BCAS3: variants seen among roughly 807,000 people sequenced by gnomAD.
BCAS3 encodes the protein BCAS4/BCAS3 fusion.
Under a neutral mutation model 116.1 loss-of-function variants are expected in BCAS3, and 53 were observed. The ratio of observed to expected loss-of-function variants is 0.46; its 90% confidence interval spans 0.37 to 0.57. BCAS3 has a LOEUF of 0.57. Among genes scored for constraint, BCAS3 ranks in the 20% least tolerant of loss-of-function variants. BCAS3 has a pLI of 0.00. For synonymous variants in BCAS3, 391 were observed against 408.2 expected (o/e 0.96, Z 0.51); for missense variants, 917 against 1,165.4 (o/e 0.79, Z 3.10).
chr17:60,844,050 A>G (rs1359073017), intron 7 of BCAS3, among the ~76,000 whole-genome samples: 4 of 152,110 alleles, frequency 2.6e-5, no homozygotes, highest in Non-Finnish European at 5.9e-5. Flanking sequence ...GCTCACCGCA[A>G]CCTCTGCCTC....
At position 61,281,893 on chromosome 17, in the gene BCAS3, C is replaced by G. The variant is rs570448201; in HGVS notation, c.2426-86434C>G. The stretch of plus-strand genomic sequence containing the variant: ...TCGTTTTATGGTAAATTTTTACTTT[C>G]TTTTCCGCTACTTCCTTTTTACAAG... On this transcript the variant is annotated intron_variant, in intron 22 of 23. Coordinates refer to ENST00000407086, the MANE Select transcript of BCAS3 (RefSeq NM_017679.5). The surrounding 1 kb of genome is among the most constrained non-coding windows in gnomAD (Gnocchi z 4.2). 2.0e-5 allele frequency among the ~76,000 whole-genome samples: 3 copies of G among 152,130 alleles called. No individual in the cohort carries two copies. Among genetic ancestry groups the G allele is most frequent in the African/African-American group, 7.2e-5 (3 of 41,482 alleles).
intron 12 of BCAS3, among the ~76,000 whole-genome samples, chr17:60,923,528 C>T (rs1248075918): frequency 6.6e-6 from 1 of 152,118 alleles, no homozygotes; most frequent in East Asian, 1.9e-4. Flanking sequence ...CATAGTAAGA[C>T]TTGACTCTTA....
chr17:60,887,333 T>A (rs1306493264), intron 9 of BCAS3: 1 of 150,964 alleles, frequency 6.6e-6, no homozygotes, highest in African/African-American at 2.5e-5. Context: ...GTGCACCCAC[T>A]GACCTGCGCC....
intron 11 of BCAS3, among the ~76,000 whole-genome samples, chr17:60,909,785 C>T (rs1455054797): frequency 6.6e-6 from 1 of 152,040 alleles, no homozygotes; most frequent in South Asian, 2.1e-4. Flanking sequence ...AAATATTTCA[C>T]GAGTTAGTTT....
intron 7 of BCAS3, among the ~76,000 whole-genome samples, chr17:60,835,911 T>C (rs554354467): frequency 6.6e-6 from 1 of 152,230 alleles, no homozygotes; most frequent in East Asian, 1.9e-4. Flanking sequence ...GAAATGGAAT[T>C]TTCCCAAGTA....
rs569721008 is a variant in BCAS3 at position 60,948,958 on chromosome 17, C to T, written c.1221+1606C>T. On this transcript the variant is annotated intron_variant, in intron 14 of 23. Coordinates refer to ENST00000407086, the MANE Select transcript of BCAS3 (RefSeq NM_017679.5). ...GTGGTATGATCTCGGCTCACTGCAA[C>T]CTCCACCTCCTGGGTTCAAGCAATT... 2.4e-4 allele frequency among the ~76,000 whole-genome samples: 36 copies of T among 151,898 alleles called. No homozygotes were observed. In the South Asian group the frequency reaches 7.5e-3, roughly 32 times the overall value.
chr17:60,709,397 C>CT (rs113697207), intron 5 of BCAS3, 72 bp downstream of exon 5: 37,483 of 765,636 alleles, frequency 0.049, 1,288 homozygotes, highest in African/African-American at 0.23. Context: ...TCTGTAGATA[C>CT]TTTTTTTTTT....
intron 7 of BCAS3, among the ~76,000 whole-genome samples, chr17:60,841,968 T>G (rs2051980201): frequency 6.6e-6 from 1 of 152,078 alleles, no homozygotes; most frequent in Non-Finnish European, 1.5e-5. Flanking sequence ...CCTTTCGAGG[T>G]GCTGGAAATG....
intron 16 of BCAS3, among the ~76,000 whole-genome samples, chr17:61,030,452 C>T (rs1434010877): frequency 6.6e-6 from 1 of 151,966 alleles, no homozygotes; most frequent in Non-Finnish European, 1.5e-5. Flanking sequence ...ATTGACCTGG[C>T]TGGATTACAT....
intron 4 of BCAS3, among the ~76,000 whole-genome samples, chr17:60,708,398 A>G (rs1393200810): frequency 2.7e-5 from 4 of 150,026 alleles, no homozygotes; most frequent in African/African-American, 9.8e-5. Context: ...TTACTCTGTC[A>G]CCCAAGCTGG....
At chr17:60,947,179 T>A in intron 13 of BCAS3, 40 bp from the exon 14 acceptor site, 1 of 1,569,310 alleles carries the variant, frequency 6.4e-7, no homozygotes. Context: ...TCCACATACA[T>A]AATCATTTTT....
At chr17:60,758,152 T>C (rs2043178079) in intron 6 of BCAS3, among the ~76,000 whole-genome samples, 1 of 152,224 alleles carries the variant, frequency 6.6e-6, no homozygotes, top group Non-Finnish European at 1.5e-5. Context: ...TTCTGGTTAC[T>C]ATAGCCTTGT....
At chr17:60,969,478 C>T (rs574557100) in intron 14 of BCAS3, among the ~76,000 whole-genome samples, 1 of 152,056 alleles carries the variant, frequency 6.6e-6, no homozygotes, top group African/African-American at 2.4e-5. Flanking sequence ...AATGAATTTG[C>T]AGATAGATCA....
rs981437878 is a variant in BCAS3 at position 61,315,486 on chromosome 17, C to T, written c.2426-52841C>T. Among the ~76,000 whole-genome samples, 5 of 152,322 alleles carry T rather than the reference C, an allele frequency of 3.3e-5. No individual in the cohort carries two copies. The highest frequency in any genetic ancestry group is 1.9e-4 in the East Asian group (1 of 5,176). Reference sequence around the variant, plus strand: ...TCTCGGAGCGGACGCTAGCTGGCAGCGGTGCCATTGCTTTCGCCTCAGGCT... The same window carrying T: ...TCTCGGAGCGGACGCTAGCTGGCAGTGGTGCCATTGCTTTCGCCTCAGGCT... On this transcript the variant is annotated intron_variant, in intron 22 of 23. Transcript: ENST00000407086. The surrounding 1 kb of genome is among the most constrained non-coding windows in gnomAD (Gnocchi z 5.3).
At chr17:60,972,752 C>T (rs2062043393) in intron 14 of BCAS3, among the ~76,000 whole-genome samples, 2 of 151,978 alleles carry the variant, frequency 1.3e-5, no homozygotes, top group Non-Finnish European at 2.9e-5. Context: ...GTGTCCAGCC[C>T]GAAAGTGCAC....
chr17:61,254,505 G>A (rs991694926), intron 22 of BCAS3, among the ~76,000 whole-genome samples: 13 of 152,000 alleles, frequency 8.6e-5, no homozygotes, highest in Middle Eastern at 3.4e-3. Context: ...ATGGCGGGGC[G>A]CGGTGGCTCA....
At chr17:60,705,512 C>CAAAAAAAAAAA (rs1033436210) in intron 4 of BCAS3, among the ~76,000 whole-genome samples, 1 of 61,866 alleles carries the variant, frequency 1.6e-5, no homozygotes, top group African/African-American at 4.8e-5. Context: ...AGACTTGTCT[C>CAAAAAAAAAAA]AAAAAAAAAA....
intron 22 of BCAS3, among the ~76,000 whole-genome samples, chr17:61,262,917 C>T (rs1035250841): frequency 6.6e-6 from 1 of 151,982 alleles, no homozygotes; most frequent in East Asian, 1.9e-4. Flanking sequence ...GTCTCGAATT[C>T]CTGACCTCAG....
chr17:61,329,342 TA>T lies in BCAS3; in HGVS notation c.2426-38984del, dbSNP rs772357637. Among the ~76,000 whole-genome samples, 820 of 103,046 alleles carry T rather than the reference TA, an allele frequency of 8.0e-3. 12 individuals are homozygous for T. The highest frequency in any genetic ancestry group is 0.021 in the African/African-American group (746 of 34,702). 67.6% of individuals were successfully genotyped at this position (103,046 alleles called of 152,430 possible). A position where few individuals can be genotyped will look rare whatever the true frequency, so the allele number is the denominator to read the frequency against. On this transcript the variant is annotated intron_variant, in intron 22 of 23. Coordinates refer to ENST00000407086, the MANE Select transcript of BCAS3 (RefSeq NM_017679.5). ...CAGGCCATGTTATTATTATTATTATTATTTTTTTTTTTTTTTGAGACGGAGT... is the reference window on the plus strand; with the variant it reads ...CAGGCCATGTTATTATTATTATTATTTTTTTTTTTTTTTTTGAGACGGAGT...
Sources: allele counts gnomAD v4.1 joint callset (sites outside exome capture counted in the v4.1 genomes callset), GRCh38; gene constraint gnomAD v4.1.1; non-coding constraint Gnocchi (gnomAD v3.1); transcripts MANE v1.5; gene names NCBI Gene and HGNC (gene_info 2026-07-23, HGNC 2026-07-21).